Variants in SLC7A11 observed in about 807,000 individuals in gnomAD.
SLC7A11 encodes cystine/glutamate transporter.
In SLC7A11, 35 loss-of-function variants were observed where a neutral mutation model predicts 54.5. That is an observed-to-expected ratio of 0.64 (90% CI 0.49 to 0.85). The LOEUF is 0.85. Ranked by LOEUF, SLC7A11 falls within the 40% of genes least tolerant of loss-of-function variation. SLC7A11 has a pLI of 0.00. For missense variants in SLC7A11, 583 were observed against 618.1 expected (o/e 0.94, Z 0.60); for synonymous variants, 230 against 225.2 (o/e 1.02, Z -0.19).
intron 6 of SLC7A11, among the ~76,000 whole-genome samples, chr4:138,206,184 T>C (rs72712348): frequency 0.021 from 3,223 of 151,982 alleles, 61 homozygotes; most frequent in Non-Finnish European, 0.037. Flanking sequence ...TTTGAAATTC[T>C]GTGATTCTAT....
At position 138,198,079 on chromosome 4, in the gene SLC7A11, T is replaced by C. The variant is rs548422877; in HGVS notation, c.792-12835A>G. On this transcript the variant is annotated intron_variant, in intron 6 of 11. Transcript: ENST00000280612. Reference sequence around the variant, plus strand: ...GGGGGAAAGTCAAGAGCCTATATTATATCAGGTTTAAAAAAAAAATCCATT... The same window carrying C: ...GGGGGAAAGTCAAGAGCCTATATTACATCAGGTTTAAAAAAAAAATCCATT... 4.0e-5 allele frequency among the ~76,000 whole-genome samples: 6 copies of C among 151,184 alleles called. No individual in the cohort carries two copies. The South Asian group carries it at 1.2e-3, about 31-fold the overall frequency.
In SLC7A11 at chr4:138,183,266, C is replaced by T. The variant is rs1271649093; in HGVS notation, c.955G>A (p.Val319Ile). 18 of 1,611,934 alleles carry T rather than the reference C, an allele frequency of 1.1e-5. No individual in the cohort carries two copies. Among genetic ancestry groups the T allele is most frequent in the Non-Finnish European group, 1.5e-5 (18 of 1,178,924 alleles). ...ERLLGNFSLA[V>I]PIFVALSCFG... ...CAGGAGAGGGCAACAAAGATCGGAA[C>T]TGCTAATGAGAAATTTCCCAGTAGC... The change falls in exon 8 of 12, where the codon GTT (valine) becomes ATT (isoleucine). Residue 319 changes from valine (V) to isoleucine (I), a missense_variant. Val to Ile is a conservative substitution (Grantham distance 29). Coordinates refer to ENST00000280612, the MANE Select transcript of SLC7A11 (RefSeq NM_014331.4).
At chr4:138,240,981 A>T (rs1256811495) in intron 1 of SLC7A11, among the ~76,000 whole-genome samples, 1 of 152,214 alleles carries the variant, frequency 6.6e-6, no homozygotes, top group Admixed American at 6.5e-5. Flanking sequence ...ATTCATAATT[A>T]TACTTCTGCC....
In SLC7A11 at chr4:138,192,404, C is replaced by T. The variant is rs79849561; in HGVS notation, c.792-7160G>A. ...ACAAAGCCACATGATGAAAGGAATACGGGTCACAGAATAAACGTGAAAGCC... is the reference window on the plus strand; with the variant it reads ...ACAAAGCCACATGATGAAAGGAATATGGGTCACAGAATAAACGTGAAAGCC... On this transcript the variant is annotated intron_variant, in intron 6 of 11. Coordinates refer to ENST00000280612, the MANE Select transcript of SLC7A11 (RefSeq NM_014331.4). 1.1e-3 allele frequency among the ~76,000 whole-genome samples: 168 copies of T among 152,174 alleles called. 1 individual carries two copies. In the East Asian group the frequency reaches 0.028, roughly 25 times the overall value.
At chr4:138,188,977 A>G (rs1350832587) in intron 6 of SLC7A11, among the ~76,000 whole-genome samples, 1 of 152,198 alleles carries the variant, frequency 6.6e-6, no homozygotes, top group African/African-American at 2.4e-5. Flanking sequence ...GGCATTAAGT[A>G]TGTGAGAGTC....
At chr4:138,233,085 T>A (rs1738119602) in intron 2 of SLC7A11, among the ~76,000 whole-genome samples, 1 of 152,116 alleles carries the variant, frequency 6.6e-6, no homozygotes, top group South Asian at 2.1e-4. Flanking sequence ...ATTCTTCAAA[T>A]ATTTTTATGA....
chr4:138,195,311 TG>T (rs1349283347), intron 6 of SLC7A11, among the ~76,000 whole-genome samples: 2 of 152,190 alleles, frequency 1.3e-5, no homozygotes, highest in African/African-American at 2.4e-5. Context: ...AAAACCTTAT[TG>T]CAAGAAATGT....
At chr4:138,186,892 G>A (rs1736894181) in intron 6 of SLC7A11, among the ~76,000 whole-genome samples, 1 of 152,006 alleles carries the variant, frequency 6.6e-6, no homozygotes, top group Non-Finnish European at 1.5e-5. Context: ...CCCCATATGG[G>A]GAGTAAATTC....
intron 6 of SLC7A11, among the ~76,000 whole-genome samples, chr4:138,186,643 A>G (rs1560721061): frequency 1.3e-5 from 2 of 152,158 alleles, no homozygotes; most frequent in Non-Finnish European, 2.9e-5. Context: ...TGTTAACACT[A>G]TAACATGCAC....
At chr4:138,238,313 A>G (rs554110899) in intron 1 of SLC7A11, among the ~76,000 whole-genome samples, 4 of 152,286 alleles carry the variant, frequency 2.6e-5, no homozygotes, top group Admixed American at 6.5e-5. Context: ...CACATGAAAT[A>G]TAGCTATACT....
In SLC7A11 at chr4:138,241,839, G is replaced by T; in HGVS notation, c.231C>A (p.Gly77=). The T allele has an allele frequency of 6.2e-7, 1 of 1,614,056 alleles. No individual in the cohort carries two copies. Among genetic ancestry groups the T allele is most frequent in the Non-Finnish European group, 8.5e-7 (1 of 1,179,994 alleles). The stretch of plus-strand genomic sequence containing the variant: ...ACACCGTCCAGATGGTCAGAGACAT[G>T]CCCACGCTGCCCGTGTTCTGGAGCA... ...KGVLQNTGSV[G]MSLTIWTVCG... The change falls in exon 1 of 12, where the codon GGC becomes GGA. Residue 77 remains glycine, a synonymous_variant. Transcript: ENST00000280612.
At chr4:138,225,610 C>T (rs1302774035) in intron 3 of SLC7A11, among the ~76,000 whole-genome samples, 1 of 152,122 alleles carries the variant, frequency 6.6e-6, no homozygotes, top group Non-Finnish European at 1.5e-5. Flanking sequence ...CTGCTCCCTG[C>T]TCCATCATCC....
intron 3 of SLC7A11, among the ~76,000 whole-genome samples, chr4:138,226,772 T>C (rs1437401409): frequency 6.6e-6 from 1 of 152,184 alleles, no homozygotes; most frequent in Non-Finnish European, 1.5e-5. Flanking sequence ...ATTGCAATAA[T>C]GAAAGAAATC....
At chr4:138,190,242 A>C (rs780212916) in intron 6 of SLC7A11, among the ~76,000 whole-genome samples, 61 of 152,266 alleles carry the variant, frequency 4.0e-4, no homozygotes, top group South Asian at 1.2e-3. Context: ...TGGCATTCAG[A>C]AAAAAAGAAA....
chr4:138,241,840 C>T lies in SLC7A11; in HGVS notation c.230G>A (p.Gly77Asp), dbSNP rs750605848. The T allele has an allele frequency of 6.8e-6, 11 of 1,613,956 alleles. No individual in the cohort carries two copies. In the South Asian group the frequency reaches 1.2e-4, roughly 18 times the overall value. ...KGVLQNTGSV[G>D]MSLTIWTVCG... ...CACCGTCCAGATGGTCAGAGACATG[C>T]CCACGCTGCCCGTGTTCTGGAGCAC... The change falls in exon 1 of 12, where the codon GGC (glycine) becomes GAC (aspartate). Residue 77 changes from glycine (G) to aspartate (D), a missense_variant. Transcript: ENST00000280612.
chr4:138,200,162 T>C (rs182037708), intron 6 of SLC7A11, among the ~76,000 whole-genome samples: 4 of 152,270 alleles, frequency 2.6e-5, no homozygotes, highest in Admixed American at 2.6e-4. Flanking sequence ...TGAGACTTTG[T>C]TTGACAATAT....
rs764214219 is a variant in SLC7A11 at position 138,180,635 on chromosome 4, G to A, written c.1266+6C>T. 6.2e-7 allele frequency: 1 copy of A among 1,612,310 alleles called. No homozygotes were observed. Among genetic ancestry groups the A allele is most frequent in the South Asian group, 1.1e-5 (1 of 90,978 alleles). On this transcript the variant is annotated splice_donor_region_variant and intron_variant, in intron 10 of 11. Transcript: ENST00000280612. ...TATGTAAACCCATCAAGATTGCTGAGGTTACCTTGAAAGGACGATGCATAT... is the reference window on the plus strand; with the variant it reads ...TATGTAAACCCATCAAGATTGCTGAAGTTACCTTGAAAGGACGATGCATAT...
At position 138,228,879 on chromosome 4, in the gene SLC7A11, T is replaced by A. The variant is rs116913078; in HGVS notation, c.520+3388A>T. Among the ~76,000 whole-genome samples, 206 of 152,212 alleles carry A rather than the reference T, an allele frequency of 1.4e-3. 4 individuals carry two copies. In the East Asian group the frequency reaches 0.036, roughly 26 times the overall value. ...TTAACTTCCACGCACCTGACATGTT[T>A]ACTGGAATGGATGAAATTTGTATAA... On this transcript the variant is annotated intron_variant, in intron 3 of 11. Coordinates refer to ENST00000280612, the MANE Select transcript of SLC7A11 (RefSeq NM_014331.4).
intron 10 of SLC7A11, among the ~76,000 whole-genome samples, chr4:138,179,895 C>T (rs544377362): frequency 1.5e-4 from 23 of 152,198 alleles, no homozygotes; most frequent in African/African-American, 4.8e-4. Flanking sequence ...CCTATTCAAC[C>T]GCTAATAAAG....
Sources: gnomAD v4.1 joint callset for allele counts (sites outside exome capture counted in the v4.1 genomes callset) on GRCh38, gnomAD v4.1.1 for gene constraint, MANE v1.5 for transcripts, NCBI Gene and HGNC (gene_info 2026-07-23, HGNC 2026-07-21) for gene names.